The following TENM3 variants were observed in gnomAD, a reference collection of about 807,000 sequenced individuals.
TENM3 encodes the protein teneurin transmembrane protein 3, also known as teneurin-3.
Under a neutral mutation model 255.1 loss-of-function variants are expected in TENM3, and 63 were observed. The ratio of observed to expected loss-of-function variants is 0.25; its 90% CI spans 0.20 to 0.30. The LOEUF is 0.30. Ranked by LOEUF, TENM3 falls within the 10% of genes least tolerant of loss-of-function variation. The pLI, the probability that TENM3 is intolerant of heterozygous loss-of-function variation, is 1.00. For missense variants in TENM3, 2,929 were observed against 3,461.1 expected, an observed-to-expected ratio of 0.85 and a Z score of 3.86; for synonymous variants, 1,306 against 1,322.3, an observed-to-expected ratio of 0.99 and a Z score of 0.27.
At chr4:182,676,342 G>C (rs1312561437) in intron 7 of TENM3, among the ~76,000 whole-genome samples, 1 of 152,174 alleles carries the variant, frequency 6.6e-6, no homozygotes, top group Non-Finnish European at 1.5e-5. Context: ...GCATTCACAT[G>C]AAGGCTGTTG....
At chr4:182,047,527 G>A in the TENM3 span, among the ~76,000 whole-genome samples, 169 of 123,444 alleles carry the variant, frequency 1.4e-3, no homozygotes, top group Middle Eastern at 0.021. Context: ...GCACCACTGC[G>A]CTCCAGCCTG....
chr4:182,441,747 C>T lies in TENM3; in HGVS notation c.511+94818C>T, dbSNP rs114081058. Among the ~76,000 whole-genome samples the T allele has an allele frequency of 6.6e-3, 999 of 152,192 alleles. 9 individuals are homozygous for T. The highest frequency in any genetic ancestry group is 0.023 in the African/African-American group (942 of 41,512). Reference sequence around the variant, plus strand: ...TCCTGACCTGATGATCTGCCTGCCTCGAACTCCTGACCTTGTGATCTGCCC... The same window carrying T: ...TCCTGACCTGATGATCTGCCTGCCTTGAACTCCTGACCTTGTGATCTGCCC... On this transcript the variant is annotated intron_variant, in intron 3 of 27. Coordinates refer to ENST00000511685, the MANE Select transcript of TENM3 (RefSeq NM_001080477.4).
chr4:182,534,177 G>A (rs1199603710), intron 3 of TENM3, among the ~76,000 whole-genome samples: 1 of 152,166 alleles, frequency 6.6e-6, no homozygotes, highest in Non-Finnish European at 1.5e-5. Context: ...CATTGCAGCT[G>A]TAAACATGCA....
At chr4:182,704,239 G>A (rs1183033562) in intron 12 of TENM3, among the ~76,000 whole-genome samples, 2 of 152,142 alleles carry the variant, frequency 1.3e-5, no homozygotes, top group Non-Finnish European at 2.9e-5. Context: ...CATCCCACAT[G>A]CAAAGGCTAC....
chr4:182,209,226 C>T (rs1437311791), intron 1 of TENM3, among the ~76,000 whole-genome samples: 1 of 151,972 alleles, frequency 6.6e-6, no homozygotes, highest in African/African-American at 2.4e-5. Flanking sequence ...CCTTGGCCTC[C>T]CAAAGTGCTG....
the TENM3 span, among the ~76,000 whole-genome samples, chr4:181,528,471 C>CTT: frequency 6.6e-6 from 1 of 152,160 alleles, no homozygotes; most frequent in Non-Finnish European, 1.5e-5. Flanking sequence ...AAATGAGACT[C>CTT]GCAAAGCACA....
chr4:181,676,988 T>TG, the TENM3 span, among the ~76,000 whole-genome samples: 261 of 77,222 alleles, frequency 3.4e-3, 1 homozygote, highest in African/African-American at 0.011. Flanking sequence ...CCCGATTTTA[T>TG]CTTTTTTTTT....
the TENM3 span, among the ~76,000 whole-genome samples, chr4:181,708,965 C>G: frequency 4.6e-5 from 7 of 152,272 alleles, no homozygotes; most frequent in African/African-American, 1.7e-4. Context: ...AAAGAACTTT[C>G]AAAATTGCTG....
the TENM3 span, among the ~76,000 whole-genome samples, chr4:181,745,130 G>A: frequency 6.6e-6 from 1 of 152,248 alleles, no homozygotes; most frequent in Admixed American, 6.5e-5. Flanking sequence ...TAAGAATTCA[G>A]GATTCTGCAG....
chr4:182,766,709 C>A (rs1763749209), intron 22 of TENM3, among the ~76,000 whole-genome samples: 2 of 152,048 alleles, frequency 1.3e-5, no homozygotes, highest in Admixed American at 1.3e-4. Flanking sequence ...TGTCTACATG[C>A]CTCTGAACTC....
chr4:181,885,944 G>T, the TENM3 span, among the ~76,000 whole-genome samples: 6 of 152,042 alleles, frequency 3.9e-5, no homozygotes, highest in South Asian at 1.0e-3. Flanking sequence ...TGTGTTTTTA[G>T]GCAAGTCATA....
the TENM3 span, among the ~76,000 whole-genome samples, chr4:181,588,048 C>G: frequency 4.6e-5 from 7 of 152,208 alleles, no homozygotes; most frequent in Admixed American, 4.6e-4. Flanking sequence ...CACCTGGTCA[C>G]GGGAAAGCAG....
chr4:181,850,358 A>G, the TENM3 span, among the ~76,000 whole-genome samples: 2 of 152,148 alleles, frequency 1.3e-5, no homozygotes, highest in Non-Finnish European at 2.9e-5. Flanking sequence ...TGCTGTTAAT[A>G]TAAATTTGAT....
the TENM3 span, among the ~76,000 whole-genome samples, chr4:182,005,692 T>C: frequency 4.6e-5 from 7 of 152,240 alleles, no homozygotes; most frequent in Non-Finnish European, 1.0e-4. Context: ...TGATTCTTCC[T>C]ATCCCTGAGG....
intron 3 of TENM3, among the ~76,000 whole-genome samples, chr4:182,530,699 C>G (rs1426220596): frequency 6.6e-6 from 1 of 152,140 alleles, no homozygotes; most frequent in Non-Finnish European, 1.5e-5. Context: ...CAGTTGAGAA[C>G]TGCTAGCCTG....
chr4:182,147,478 A>G (rs1461933065), intron 1 of TENM3, among the ~76,000 whole-genome samples: 1 of 152,172 alleles, frequency 6.6e-6, no homozygotes, highest in African/African-American at 2.4e-5. Flanking sequence ...TTTACCCTGT[A>G]AAAATTTGAT....
At chr4:182,140,888 G>T (rs565722140), upstream of TENM3, among the ~76,000 whole-genome samples, 29 of 152,330 alleles carry the variant, frequency 1.9e-4, 1 homozygote, top group South Asian at 6.0e-3. Context: ...GGGAGGCGGT[G>T]GAGCAGCAGG....
At chr4:181,471,630 A>C in the TENM3 span, among the ~76,000 whole-genome samples, 4 of 152,180 alleles carry the variant, frequency 2.6e-5, no homozygotes, top group African/African-American at 9.7e-5. Context: ...ACCCGACTTC[A>C]GGCATTTATA....
chr4:182,711,306 A>G (rs1350723807), intron 12 of TENM3, among the ~76,000 whole-genome samples: 2 of 152,190 alleles, frequency 1.3e-5, no homozygotes, highest in African/African-American at 2.4e-5. Context: ...TGAAATGACG[A>G]GAGTGGAGTG....
Sources: allele counts gnomAD v4.1 joint callset (sites outside exome capture counted in the v4.1 genomes callset), GRCh38; gene constraint gnomAD v4.1.1; transcripts MANE v1.5; gene names NCBI Gene and HGNC (gene_info 2026-07-23, HGNC 2026-07-21).